The following GRM1 variants were observed in gnomAD, a reference collection of about 807,000 sequenced individuals.
The protein encoded by GRM1 is glutamate metabotropic receptor 1, also known as metabotropic glutamate receptor 1.
Under a neutral mutation model 90.9 loss-of-function variants are expected in GRM1, and 33 were observed. That is an observed-to-expected ratio of 0.36 (90% CI 0.28 to 0.49). The LOEUF is 0.49. GRM1 is among the 20% of genes least tolerant of loss of function. GRM1 has a pLI of 0.99. For synonymous variants in GRM1, 700 were observed against 613.2 expected (o/e 1.14, Z -2.09); for missense variants, 1,190 against 1,534.3 (o/e 0.78, Z 3.75).
chr6:146,335,034 A>G (rs566075167), intron 3 of GRM1, among the ~76,000 whole-genome samples: 1 of 152,254 alleles, frequency 6.6e-6, no homozygotes, highest in South Asian at 2.1e-4. Context: ...TTTGCTTTTA[A>G]AGCAAATATG....
At chr6:146,393,563 T>A (rs1776811239) in intron 6 of GRM1, among the ~76,000 whole-genome samples, 1 of 152,100 alleles carries the variant, frequency 6.6e-6, no homozygotes, top group Non-Finnish European at 1.5e-5. Context: ...TTGGCTTTTG[T>A]TGCAATTGCT....
intron 7 of GRM1, among the ~76,000 whole-genome samples, chr6:146,413,245 A>G (rs1208482596): frequency 1.3e-5 from 2 of 152,104 alleles, no homozygotes; most frequent in African/African-American, 4.8e-5. Context: ...CCCAAATCTG[A>G]TAATAATCTT....
At position 146,399,296 on chromosome 6, in the gene GRM1, G is replaced by A. The variant is rs144391127; in HGVS notation, c.2257G>A (p.Val753Met). 7 of 1,614,052 alleles carry A rather than the reference G, an allele frequency of 4.3e-6. No homozygotes were observed. Among genetic ancestry groups the A allele is most frequent in the Non-Finnish European group, 5.1e-6 (6 of 1,180,036 alleles). ...YLICNTSNLG[V>M]VAPLGYNGLL... ...TATCTGCAATACCAGCAACCTGGGT[G>A]TGGTGGCCCCTTTGGGCTACAATGG... is the stretch of plus-strand genomic sequence containing the variant. Residue 753 changes from valine (V) to methionine (M), a missense_variant, in exon 7 of 8, where the codon GTG becomes ATG. Around this residue, in one of 10 missense-constraint regions of GRM1, gnomAD observed 414 missense variants for 598.4 expected, o/e 0.69. Coordinates refer to ENST00000282753, the MANE Select transcript of GRM1 (RefSeq NM_001278064.2). This position sits in a 1 kb window ranked among gnomAD's most constrained non-coding sequence, Gnocchi z 5.4.
intron 2 of GRM1, among the ~76,000 whole-genome samples, chr6:146,268,619 T>A (rs887869703): frequency 6.6e-6 from 1 of 152,182 alleles, no homozygotes; most frequent in Non-Finnish European, 1.5e-5. Flanking sequence ...TCTATTAAAA[T>A]CATCCTTGAC....
rs532804697 is a variant in GRM1, at chr6:146,073,202, G to C, written c.700+42985G>C. Among the ~76,000 whole-genome samples, 6 of 152,268 alleles carry C rather than the reference G, an allele frequency of 3.9e-5. No homozygotes were observed. In the South Asian group the frequency reaches 8.3e-4, roughly 21 times the overall value. Reference sequence around the variant, plus strand: ...CTGATTGCAGAGACTAGGGAGAAATGATGGATCTGTAGGGAAGAAGATAAA... The same window carrying C: ...CTGATTGCAGAGACTAGGGAGAAATCATGGATCTGTAGGGAAGAAGATAAA... On this transcript the variant is annotated intron_variant, in intron 1 of 7. Coordinates refer to ENST00000282753, the MANE Select transcript of GRM1 (RefSeq NM_001278064.2).
At chr6:146,257,848 T>C (rs948255032) in intron 2 of GRM1, among the ~76,000 whole-genome samples, 4 of 152,068 alleles carry the variant, frequency 2.6e-5, no homozygotes, top group Non-Finnish European at 5.9e-5. Context: ...GCAAATTTTA[T>C]TGGGAAACAC....
At chr6:146,191,711 C>A (rs1778939627) in intron 2 of GRM1, among the ~76,000 whole-genome samples, 1 of 151,982 alleles carries the variant, frequency 6.6e-6, no homozygotes, top group Non-Finnish European at 1.5e-5. Flanking sequence ...TTCCCAATTT[C>A]TCTTCTTTTT....
At chr6:146,132,293 G>T (rs1050383050) in intron 1 of GRM1, among the ~76,000 whole-genome samples, 1 of 152,148 alleles carries the variant, frequency 6.6e-6, no homozygotes, top group African/African-American at 2.4e-5. Context: ...GGTGGGGGGG[G>T]ACCACATTGA....
chr6:146,086,487 T>C (rs1776549591), intron 1 of GRM1, among the ~76,000 whole-genome samples: 1 of 152,130 alleles, frequency 6.6e-6, no homozygotes, highest in Non-Finnish European at 1.5e-5. Context: ...ACTCCTCTTA[T>C]TTTGGAGAGG....
chr6:146,391,168 A>G (rs751491516), intron 6 of GRM1, among the ~76,000 whole-genome samples: 3 of 152,068 alleles, frequency 2.0e-5, no homozygotes, highest in African/African-American at 4.8e-5. Flanking sequence ...AGTAAATTTC[A>G]TCCTCCTCCA....
chr6:146,297,650 G>A (rs762453704), intron 2 of GRM1, among the ~76,000 whole-genome samples: 3 of 152,126 alleles, frequency 2.0e-5, no homozygotes, highest in Non-Finnish European at 4.4e-5. Flanking sequence ...GGGTCTGTTA[G>A]GGGGGATTTG....
In GRM1 at chr6:146,306,333, C is replaced by T. The variant is rs534521866; in HGVS notation, c.1186+1487C>T. On this transcript the variant is annotated intron_variant, in intron 3 of 7. Transcript: ENST00000282753. ...CCAATAAATCATCCAAGACAGTCTCCTTATTTGCAAAACAGAGGTGATGAG... is the reference window on the plus strand; with the variant it reads ...CCAATAAATCATCCAAGACAGTCTCTTTATTTGCAAAACAGAGGTGATGAG... Among the ~76,000 whole-genome samples, 75 of 152,222 alleles carry T rather than the reference C, an allele frequency of 4.9e-4. No homozygotes were observed. In the South Asian group the frequency reaches 0.015, roughly 31 times the overall value.
chr6:146,293,835 G>T (rs980735907), intron 2 of GRM1, among the ~76,000 whole-genome samples: 51 of 151,566 alleles, frequency 3.4e-4, no homozygotes, highest in African/African-American at 1.2e-3. Context: ...GCTTTTCTAA[G>T]AAAATGGTTA....
intron 2 of GRM1, among the ~76,000 whole-genome samples, chr6:146,179,781 C>T (rs1778476596): frequency 6.6e-6 from 1 of 152,140 alleles, no homozygotes. Flanking sequence ...TCCCAAAGTG[C>T]TGGGATTACA....
At chr6:146,383,082 A>T (rs77024933) in intron 5 of GRM1, among the ~76,000 whole-genome samples, 34 of 152,320 alleles carry the variant, frequency 2.2e-4, no homozygotes, top group Non-Finnish European at 2.4e-4. Flanking sequence ...TTCATCTTAC[A>T]GATATTATAT....
At position 146,434,638 on chromosome 6, in the gene GRM1, C is replaced by A; in HGVS notation, c.3427C>A (p.Pro1143Thr). 1 of 1,611,184 alleles carries A rather than the reference C, an allele frequency of 6.2e-7. No homozygotes were observed. The change falls in exon 8 of 8, where the codon CCT (proline) becomes ACT (threonine). Residue 1143 changes from proline (P) to threonine (T), a missense_variant. Around this residue, in one of 10 missense-constraint regions of GRM1, gnomAD observed 400 missense variants for 360.8 expected, o/e 1.11. Transcript: ENST00000282753. ...AASKLTPDDS[P>T]ALTPPSPFRD... ...CAGCAAACTGACCCCGGATGATTCG[C>A]CTGCGCTGACGCCTCCGTCGCCTTT...
intron 2 of GRM1, among the ~76,000 whole-genome samples, chr6:146,237,213 G>T (rs1462208582): frequency 1.3e-5 from 2 of 152,010 alleles, no homozygotes; most frequent in Non-Finnish European, 2.9e-5. Flanking sequence ...AAAGGGGAAA[G>T]TTACACTACT....
intron 2 of GRM1, among the ~76,000 whole-genome samples, chr6:146,288,845 G>C (rs1782869272): frequency 6.6e-6 from 1 of 152,012 alleles, no homozygotes; most frequent in South Asian, 2.1e-4. Context: ...ATACTACAGT[G>C]GTCCTGTAAG....
rs1252308732 is a variant in GRM1 at position 146,434,105 on chromosome 6, C to A, written c.2894C>A (p.Pro965Gln). Residue 965 changes from proline to glutamine, a missense_variant, in exon 8 of 8, where the codon CCG (proline) becomes CAG (glutamine). Physicochemically the swap from Pro to Gln is moderately conservative, Grantham distance 76. Transcript: ENST00000282753. ...GTAGAGGAGGAGGAGGATGCCCAGC[C>A]GATTCGCTTTAGCCCGCCTGGTAGC... Reference protein sequence around the residue: ...YNVEEEEDAQPIRFSPPGSPS... With the variant: ...YNVEEEEDAQQIRFSPPGSPS... 5 of 1,614,090 alleles carry A rather than the reference C, an allele frequency of 3.1e-6. No individual in the cohort carries two copies. Among genetic ancestry groups the A allele is most frequent in the African/African-American group, 2.7e-5 (2 of 74,946 alleles).
Sources: gnomAD v4.1 joint callset for allele counts (sites outside exome capture counted in the v4.1 genomes callset) on GRCh38, gnomAD v4.1.1 for gene constraint, gnomAD v4.1.1 regional missense constraint, Gnocchi (gnomAD v3.1) non-coding constraint, MANE v1.5 for transcripts, NCBI Gene and HGNC (gene_info 2026-07-23, HGNC 2026-07-21) for gene names.